The following CCDC178 variants were observed in gnomAD, a reference collection of about 807,000 sequenced individuals.
CCDC178 encodes the protein coiled-coil domain-containing protein 178.
Under a neutral mutation model 117.4 loss-of-function variants are expected in CCDC178, and 126 were observed. That is an observed-to-expected ratio of 1.07 (90% CI 0.93 to 1.24). The LOEUF is 1.24. Ranked by LOEUF, CCDC178 falls within the 50% of genes most tolerant of loss-of-function variation. The probability of loss-of-function intolerance (pLI) is 0.00; values close to 1 mark genes in which losing one functional copy is unlikely to be tolerated. For missense variants in CCDC178, 1,030 were observed against 986.9 expected, an observed-to-expected ratio of 1.04 and a Z score of -0.59; for synonymous variants, 283 against 313.4, an observed-to-expected ratio of 0.90 and a Z score of 1.02.
intron 21 of CCDC178, among the ~76,000 whole-genome samples, chr18:33,090,161 C>T (rs1598872082): frequency 6.6e-6 from 1 of 152,088 alleles, no homozygotes; most frequent in Non-Finnish European, 1.5e-5. Context: ...AAGATTGTGT[C>T]AAGTAAGGGG....
intron 21 of CCDC178, among the ~76,000 whole-genome samples, chr18:32,981,795 A>T (rs1294291723): frequency 6.6e-6 from 1 of 152,150 alleles, no homozygotes; most frequent in Non-Finnish European, 1.5e-5. Flanking sequence ...AAAAATTACT[A>T]CTTTCAGCTG....
intron 21 of CCDC178, among the ~76,000 whole-genome samples, chr18:33,075,585 C>A (rs947320185): frequency 2.0e-5 from 3 of 152,002 alleles, no homozygotes; most frequent in African/African-American, 7.3e-5. Context: ...TTTAAACAAG[C>A]AAAGAACAAA....
chr18:33,115,845 C>G (rs2057850144), intron 20 of CCDC178, among the ~76,000 whole-genome samples: 1 of 151,918 alleles, frequency 6.6e-6, no homozygotes, highest in South Asian at 2.1e-4. Context: ...CTGCTAAAAT[C>G]TATTATTTAG....
Position 33,112,728 on chromosome 18 carries a change from A to G in CCDC178, c.2239-19818T>C, listed in dbSNP as rs528088681. On this transcript the variant is annotated intron_variant, in intron 20 of 22. Transcript: ENST00000383096. ...TCATATGAATTGGGGGAACAAGATCAGCACTTGGGCTCCAATCATCTTCCC... is the reference window on the plus strand; with the variant it reads ...TCATATGAATTGGGGGAACAAGATCGGCACTTGGGCTCCAATCATCTTCCC... Among the ~76,000 whole-genome samples, 3 of 152,028 alleles carry G rather than the reference A, an allele frequency of 2.0e-5. No homozygotes were observed. In the East Asian group the frequency reaches 5.9e-4, roughly 30 times the overall value.
chr18:33,015,081 C>A (rs1035987400), intron 21 of CCDC178, among the ~76,000 whole-genome samples: 3 of 151,432 alleles, frequency 2.0e-5, no homozygotes, highest in African/African-American at 7.3e-5. Context: ...CATGGTGAAA[C>A]CTCATCTCTA....
chr18:33,250,127 C>T (rs2059602609), intron 14 of CCDC178, among the ~76,000 whole-genome samples: 1 of 151,402 alleles, frequency 6.6e-6, no homozygotes, highest in African/African-American at 2.4e-5. Flanking sequence ...AAAGGATAAA[C>T]AAGATGATAT....
chr18:33,211,269 A>G (rs1335134065), intron 20 of CCDC178, among the ~76,000 whole-genome samples: 1 of 151,904 alleles, frequency 6.6e-6, no homozygotes, highest in African/African-American at 2.4e-5. Flanking sequence ...TAATTTAAAT[A>G]TGGTACTAAT....
chr18:33,270,003 T>C (rs868668194), intron 12 of CCDC178, among the ~76,000 whole-genome samples: 23 of 151,740 alleles, frequency 1.5e-4, no homozygotes, highest in African/African-American at 5.1e-4. Context: ...AATAATGTTT[T>C]AGCAAATAGA....
intron 14 of CCDC178, among the ~76,000 whole-genome samples, chr18:33,252,045 A>G (rs537446730): frequency 3.9e-5 from 6 of 151,924 alleles, no homozygotes; most frequent in African/African-American, 1.4e-4. Flanking sequence ...TTTGGTCATC[A>G]TAGTGTCAAA....
intron 21 of CCDC178, among the ~76,000 whole-genome samples, chr18:33,076,855 C>A (rs376970853): frequency 1.1e-4 from 16 of 152,264 alleles, no homozygotes; most frequent in African/African-American, 3.6e-4. Flanking sequence ...AGGATGTATA[C>A]CCTCACCCTT....
At chr18:33,043,870 G>A (rs563747872) in intron 21 of CCDC178, among the ~76,000 whole-genome samples, 64 of 151,716 alleles carry the variant, frequency 4.2e-4, no homozygotes, top group Middle Eastern at 3.4e-3. Flanking sequence ...ATTTCTCGCC[G>A]TAATAGTTTA....
intron 11 of CCDC178, among the ~76,000 whole-genome samples, chr18:33,303,366 G>C (rs2062204578): frequency 6.6e-6 from 1 of 152,118 alleles, no homozygotes; most frequent in African/African-American, 2.4e-5. Flanking sequence ...AGAGCAAAAA[G>C]GATTTTTTTT....
intron 22 of CCDC178, among the ~76,000 whole-genome samples, chr18:32,942,897 A>C (rs374824576): frequency 1.1e-4 from 16 of 152,250 alleles, no homozygotes; most frequent in African/African-American, 3.8e-4. Context: ...GAAAATTGTT[A>C]CTTTGTCTTT....
intron 5 of CCDC178, among the ~76,000 whole-genome samples, chr18:33,384,403 C>T (rs2063471690): frequency 6.6e-6 from 1 of 152,112 alleles, no homozygotes; most frequent in Admixed American, 6.5e-5. Context: ...CCCCAAGACA[C>T]ATAATCATCA....
intron 19 of CCDC178, 21 bp from the exon 20 acceptor site, chr18:33,212,076 G>A (rs2059115317): frequency 1.3e-6 from 2 of 1,531,722 alleles, no homozygotes; most frequent in Admixed American, 4.2e-5. Flanking sequence ...AGAATTCCAT[G>A]TGCCACTAAT....
intron 5 of CCDC178, among the ~76,000 whole-genome samples, chr18:33,375,926 G>T (rs1227326958): frequency 2.0e-5 from 3 of 152,120 alleles, no homozygotes; most frequent in African/African-American, 7.2e-5. Flanking sequence ...GCAAATTTCA[G>T]AACAGGAGTG....
intron 15 of CCDC178, among the ~76,000 whole-genome samples, chr18:33,230,246 C>CTG (rs111674114): frequency 0.057 from 8,487 of 148,044 alleles, 301 homozygotes; most frequent in East Asian, 0.14. Flanking sequence ...AACTCAGAGG[C>CTG]TGTGTGTGTG....
At chr18:33,236,470 G>T (rs2059427921) in intron 15 of CCDC178, among the ~76,000 whole-genome samples, 1 of 152,144 alleles carries the variant, frequency 6.6e-6, no homozygotes, top group African/African-American at 2.4e-5. Flanking sequence ...AAATTAGCAG[G>T]AGTGATTAAC....
intron 14 of CCDC178, among the ~76,000 whole-genome samples, chr18:33,263,466 T>C (rs2059775458): frequency 6.6e-6 from 1 of 152,168 alleles, no homozygotes; most frequent in South Asian, 2.1e-4. Flanking sequence ...TTAAATGGTG[T>C]ATTTAACAGT....
Sources: gnomAD v4.1 joint callset for allele counts (sites outside exome capture counted in the v4.1 genomes callset) on GRCh38, gnomAD v4.1.1 for gene constraint, MANE v1.5 for transcripts, NCBI Gene and HGNC (gene_info 2026-07-23, HGNC 2026-07-21) for gene names.